The following CCDC7 variants were observed in gnomAD, a reference collection of about 807,000 sequenced individuals.
CCDC7 encodes the protein coiled-coil domain containing 7.
CCDC7 carries 183 observed loss-of-function variants against 196.9 expected under a neutral mutation model. That is an observed-to-expected ratio of 0.93 (90% CI 0.82 to 1.05). CCDC7 has a LOEUF of 1.05. Among genes scored for constraint, CCDC7 ranks in the 50% least tolerant of loss-of-function variants. The pLI, the probability that CCDC7 is intolerant of heterozygous loss-of-function variation, is 0.00. For synonymous variants in CCDC7, 525 were observed against 484.6 expected (o/e 1.08, Z -1.10); for missense variants, 1,540 against 1,482.2 (o/e 1.04, Z -0.64).
exon 6 of CCDC7, chr10:32,471,195 T>G: frequency 6.2e-7 from 1 of 1,610,462 alleles, no homozygotes; most frequent in Middle Eastern, 1.7e-4. Flanking sequence ...AACAGAGGTC[T>G]AAATCCTCCG....
chr10:32,870,692 CT>C (rs1349117240), intron 41 of CCDC7, among the ~76,000 whole-genome samples: 3 of 152,148 alleles, frequency 2.0e-5, no homozygotes, highest in Non-Finnish European at 4.4e-5. Flanking sequence ...AAAGGGAATG[CT>C]TCCAGTTTTT....
chr10:32,506,878 G>A lies in CCDC7; in HGVS notation c.873-11067G>A, dbSNP rs533623879. Among the ~76,000 whole-genome samples the A allele has an allele frequency of 1.3e-3, 198 of 149,246 alleles. 1 individual carries two copies. Among genetic ancestry groups the A allele is most frequent in the African/African-American group, 4.6e-3 (187 of 40,536 alleles). On this transcript the variant is annotated intron_variant, in intron 9 of 41. Transcript: ENST00000639629. Reference sequence around the variant, plus strand: ...AAAGGGGAGAGGGAGAGGGAGAGGCGACCCCTTTATAATTATATAACGACC... The same window carrying A: ...AAAGGGGAGAGGGAGAGGGAGAGGCAACCCCTTTATAATTATATAACGACC...
At chr10:32,553,770 T>A (rs1039928167) in intron 13 of CCDC7, among the ~76,000 whole-genome samples, 1 of 152,110 alleles carries the variant, frequency 6.6e-6, no homozygotes, top group African/African-American at 2.4e-5. Context: ...GATATGGTGG[T>A]TTAATGCTCT....
intron 13 of CCDC7, among the ~76,000 whole-genome samples, chr10:32,559,561 C>A (rs112637453): frequency 6.6e-6 from 1 of 152,172 alleles, no homozygotes; most frequent in African/African-American, 2.4e-5. Context: ...TCCAGGTAGA[C>A]GGTCTGGAGT....
In CCDC7 at chr10:32,846,406, T is replaced by C. The variant is rs543689014; in HGVS notation, c.3635T>C (p.Ile1212Thr). 6 of 1,594,858 alleles carry C rather than the reference T, an allele frequency of 3.8e-6. No individual in the cohort carries two copies. In the East Asian group the frequency reaches 1.1e-4, roughly 30 times the overall value. Residue 1212 changes from isoleucine (I) to threonine (T), a missense_variant, in exon 37 of 42, where the codon ATT (isoleucine) becomes ACT (threonine). Ile to Thr is a moderately conservative substitution (Grantham distance 89). Coordinates refer to ENST00000639629, the Ensembl canonical transcript of CCDC7. ...GATAAAGAACTCTTAAAAGATGCTA[T>C]TGGAAGAGATATAATAAAGGGACCA...
At position 32,568,006 on chromosome 10, in the gene CCDC7, GTT is replaced by G. The variant is rs35485110; in HGVS notation, c.1419+133_1419+134del. ...TAAAAATTCATGCCTCTGTTTTTGG[GTT>G]TTTTTTTTTTTTTTTTTGAGATGGA... On this transcript the variant is annotated intron_variant, in intron 15 of 41. Coordinates refer to ENST00000639629, the Ensembl canonical transcript of CCDC7. The G allele has an allele frequency of 4.2e-3, 2,454 of 589,096 alleles. 1 individual carries two copies. The highest frequency in any genetic ancestry group is 8.2e-3 in the East Asian group (164 of 19,930). The allele number at this position is 589,096 out of a possible 1,614,324, so 36.5% of individuals were successfully genotyped here. A position where few individuals can be genotyped will look rare whatever the true frequency, so the allele number is the denominator to read the frequency against.
At chr10:32,453,397 A>T in exon 2 of CCDC7, 4 of 1,554,532 alleles carry the variant, frequency 2.6e-6, no homozygotes, top group Non-Finnish European at 3.5e-6. Flanking sequence ...ATGGAGAAGA[A>T]CCATTTGTAA....
chr10:32,609,398 CT>C (rs1170464340), intron 18 of CCDC7, among the ~76,000 whole-genome samples: 1 of 151,900 alleles, frequency 6.6e-6, no homozygotes, highest in Admixed American at 6.6e-5. Context: ...GACTTAGAGT[CT>C]TTTTTATCTG....
rs184870024 is a variant in CCDC7, at chr10:32,826,335, A to C, written c.3268+1731A>C. On this transcript the variant is annotated intron_variant, in intron 32 of 41. Transcript: ENST00000639629. ...GCAGGAAGCATCCAGCACAGGAAAA[A>C]GATGCCCTCCTTTTGAGAGACACCT... Among the ~76,000 whole-genome samples the C allele has an allele frequency of 2.4e-3, 369 of 152,340 alleles. 2 individuals are homozygous for C. Among genetic ancestry groups the C allele is most frequent in the African/African-American group, 8.5e-3 (352 of 41,584 alleles).
chr10:32,818,352 C>A (rs987064154), intron 31 of CCDC7, among the ~76,000 whole-genome samples: 5 of 152,000 alleles, frequency 3.3e-5, no homozygotes, highest in African/African-American at 9.7e-5. Flanking sequence ...TCCTTAGAGA[C>A]CTAGAAAGAG....
chr10:32,784,685 C>T (rs2081560116), intron 29 of CCDC7, among the ~76,000 whole-genome samples: 1 of 151,872 alleles, frequency 6.6e-6, no homozygotes, highest in African/African-American at 2.4e-5. Flanking sequence ...GATTCTCCTG[C>T]CTCAGCCTCC....
chr10:32,873,978 T>A (rs2094517274), intron 41 of CCDC7, among the ~76,000 whole-genome samples: 1 of 151,740 alleles, frequency 6.6e-6, no homozygotes, highest in Non-Finnish European at 1.5e-5. Flanking sequence ...TATATATGGT[T>A]AAAATGCAAA....
At chr10:32,677,703 C>G (rs569725364) in intron 21 of CCDC7, among the ~76,000 whole-genome samples, 4 of 151,976 alleles carry the variant, frequency 2.6e-5, no homozygotes, top group East Asian at 3.9e-4. Context: ...AAGATTCAAC[C>G]TATTTAGGAT....
intron 5 of CCDC7, among the ~76,000 whole-genome samples, chr10:32,465,875 A>G (rs1292264900): frequency 1.3e-5 from 2 of 152,208 alleles, no homozygotes; most frequent in Non-Finnish European, 2.9e-5. Flanking sequence ...TTAGTGAATG[A>G]GTACTATTTA....
At chr10:32,846,259 G>A (rs2093287778) in intron 36 of CCDC7, 117 bp from the exon 38 acceptor site, 1 of 658,742 alleles carries the variant, frequency 1.5e-6, no homozygotes, top group Non-Finnish European at 2.6e-6. Context: ...ATATCATAGT[G>A]TTACATTGGT....
chr10:32,733,217 C>T (rs2084281597), intron 28 of CCDC7, among the ~76,000 whole-genome samples: 1 of 151,994 alleles, frequency 6.6e-6, no homozygotes, highest in Non-Finnish European at 1.5e-5. Flanking sequence ...TATATTTTTA[C>T]ACTTTACATA....
At chr10:32,595,596 G>A (rs2060251059) in intron 18 of CCDC7, among the ~76,000 whole-genome samples, 1 of 152,114 alleles carries the variant, frequency 6.6e-6, no homozygotes, top group Admixed American at 6.6e-5. Flanking sequence ...TTTTGAATGT[G>A]TTTGCTCTTG....
intron 25 of CCDC7, among the ~76,000 whole-genome samples, chr10:32,723,908 A>G (rs1419783587): frequency 6.6e-6 from 1 of 152,042 alleles, no homozygotes; most frequent in Non-Finnish European, 1.5e-5. Flanking sequence ...TAACACTAGT[A>G]ACTGGGTGCA....
chr10:32,669,466 T>G (rs1487031123), intron 21 of CCDC7, among the ~76,000 whole-genome samples: 1 of 152,160 alleles, frequency 6.6e-6, no homozygotes, highest in Non-Finnish European at 1.5e-5. Flanking sequence ...TAGCATTAAT[T>G]CTTCTTAAAA....
Sources: allele counts gnomAD v4.1 joint callset (sites outside exome capture counted in the v4.1 genomes callset), GRCh38; gene constraint gnomAD v4.1.1; transcripts MANE v1.5; gene names NCBI Gene and HGNC (gene_info 2026-07-23, HGNC 2026-07-21).